CPVL: variants seen among roughly 807,000 people sequenced by gnomAD.
The protein encoded by CPVL is probable serine carboxypeptidase CPVL.
CPVL carries 51 observed loss-of-function variants against 63.7 expected under a neutral mutation model. That is an observed-to-expected ratio of 0.80 (90% CI 0.64 to 1.01). CPVL has a LOEUF of 1.01. Ranked by LOEUF, CPVL falls within the 50% of genes least tolerant of loss-of-function variation. CPVL has a pLI of 0.00. For missense variants in CPVL, 530 were observed against 573.1 expected, an observed-to-expected ratio of 0.92 and a Z score of 0.77; for synonymous variants, 195 against 206.0, an observed-to-expected ratio of 0.95 and a Z score of 0.46.
chr7:29,086,569 G>A lies in CPVL; in HGVS notation c.543-19C>T, dbSNP rs772692528. 2.6e-6 allele frequency: 4 copies of A among 1,538,380 alleles called. No individual in the cohort carries two copies. Among genetic ancestry groups the A allele is most frequent in the Non-Finnish European group, 3.6e-6 (4 of 1,111,988 alleles). On this transcript the variant is annotated intron_variant, in intron 6 of 12. Transcript: ENST00000265394. ...TAGTGCACTGCAAAAAGAAGAACAA[G>A]AACAACACAAATTAATCAGAAAAAT...
intron 5 of CPVL, among the ~76,000 whole-genome samples, chr7:29,160,535 C>T (rs1012153109): frequency 2.0e-5 from 3 of 152,148 alleles, no homozygotes; most frequent in African/African-American, 4.8e-5. Context: ...CAGTCCTGGT[C>T]AGTGAAATAT....
intron 11 of CPVL, among the ~76,000 whole-genome samples, chr7:29,034,613 T>C (rs980205445): frequency 2.6e-5 from 4 of 152,074 alleles, no homozygotes; most frequent in Non-Finnish European, 5.9e-5. Flanking sequence ...GTTCCCCCCA[T>C]GTGTCCATGT....
chr7:29,178,673 G>T (rs529970638), intron 5 of CPVL, among the ~76,000 whole-genome samples: 1 of 152,228 alleles, frequency 6.6e-6, no homozygotes, highest in East Asian at 1.9e-4. Context: ...TATTCTCAGG[G>T]TCTATACCTA....
intron 12 of CPVL, among the ~76,000 whole-genome samples, chr7:29,016,423 C>T (rs980700880): frequency 1.3e-5 from 2 of 151,994 alleles, no homozygotes; most frequent in African/African-American, 4.8e-5. Context: ...AAGTTTAAAC[C>T]AGGTTTGTCT....
At chr7:29,126,796 T>C (rs998395508) in intron 1 of CPVL, 4 of 152,258 alleles carry the variant, frequency 2.6e-5, no homozygotes, top group Admixed American at 6.5e-5. Context: ...CCTGGCACTT[T>C]GGGAGGCCAA....
chr7:29,136,372 G>A (rs1207417937), intron 1 of CPVL, among the ~76,000 whole-genome samples: 3 of 152,204 alleles, frequency 2.0e-5, no homozygotes, highest in Non-Finnish European at 4.4e-5. Flanking sequence ...GCTCAGCAGT[G>A]AGCATATTTA....
intron 1 of CPVL, among the ~76,000 whole-genome samples, chr7:29,134,674 T>C (rs996970553): frequency 9.2e-5 from 14 of 152,148 alleles, no homozygotes; most frequent in African/African-American, 1.4e-4. Flanking sequence ...AATTAAGTTA[T>C]AGAAATCTCA....
intron 12 of CPVL, among the ~76,000 whole-genome samples, chr7:29,006,007 C>G (rs950991310): frequency 3.3e-5 from 5 of 152,104 alleles, no homozygotes; most frequent in Non-Finnish European, 7.4e-5. Context: ...TAGATCCTGA[C>G]TCATCATCTT....
intron 5 of CPVL, among the ~76,000 whole-genome samples, chr7:29,155,303 T>A (rs245902): frequency 0.56 from 85,099 of 151,918 alleles, 24,663 homozygotes; most frequent in African/African-American, 0.72. Context: ...AAAGCCATTA[T>A]CAAAAATAAA....
chr7:29,090,685 T>C (rs1785683828), intron 6 of CPVL, among the ~76,000 whole-genome samples: 1 of 152,182 alleles, frequency 6.6e-6, no homozygotes, highest in South Asian at 2.1e-4. Context: ...TCAAAGTTAA[T>C]ACATTTCATA....
chr7:29,151,167 C>T (rs561205167), upstream of CPVL, among the ~76,000 whole-genome samples: 4 of 152,304 alleles, frequency 2.6e-5, no homozygotes, highest in East Asian at 5.8e-4. Context: ...TAGCCACAGG[C>T]TACAGACTCC....
intron 3 of CPVL, among the ~76,000 whole-genome samples, chr7:29,097,924 C>T (rs1339910682): frequency 3.9e-5 from 6 of 151,912 alleles, no homozygotes; most frequent in Non-Finnish European, 7.4e-5. Context: ...CCAGAACAGA[C>T]TTAGAAAGGG....
intron 9 of CPVL, among the ~76,000 whole-genome samples, chr7:29,067,732 CTA>C (rs1783275297): frequency 1.3e-5 from 2 of 152,244 alleles, no homozygotes; most frequent in Middle Eastern, 3.4e-3. Flanking sequence ...TAAAAACAAT[CTA>C]TCAAGTACAA....
At chr7:29,036,204 T>G (rs1268019708) in intron 11 of CPVL, among the ~76,000 whole-genome samples, 1 of 152,198 alleles carries the variant, frequency 6.6e-6, no homozygotes, top group East Asian at 1.9e-4. Flanking sequence ...CTGGAACTCG[T>G]AGACATGTGG....
upstream of CPVL, among the ~76,000 whole-genome samples, chr7:29,148,862 G>A (rs539343599): frequency 2.0e-5 from 3 of 152,254 alleles, no homozygotes; most frequent in Non-Finnish European, 4.4e-5. Context: ...GTGTGTGTGG[G>A]GGAACAGAGG....
At chr7:29,102,995 A>G (rs1043426156) in intron 3 of CPVL, among the ~76,000 whole-genome samples, 6 of 151,972 alleles carry the variant, frequency 3.9e-5, no homozygotes, top group African/African-American at 1.2e-4. Context: ...TGTCTGCCCT[A>G]TTGTTCCCCA....
intron 1 of CPVL, chr7:29,127,472 G>C (rs1230409778): frequency 2.0e-5 from 3 of 152,200 alleles, no homozygotes; most frequent in Non-Finnish European, 2.9e-5. Flanking sequence ...CCGATCCTCA[G>C]AGAATCTAAG....
chr7:29,111,587 G>A (rs1384872392), intron 3 of CPVL, among the ~76,000 whole-genome samples: 1 of 152,244 alleles, frequency 6.6e-6, no homozygotes, highest in East Asian at 1.9e-4. Context: ...GACGGCTACT[G>A]TGAGCCCAAC....
At chr7:29,090,824 C>T (rs556060583) in intron 6 of CPVL, among the ~76,000 whole-genome samples, 5 of 152,232 alleles carry the variant, frequency 3.3e-5, no homozygotes, top group East Asian at 3.9e-4. Flanking sequence ...AAACTGTGAA[C>T]GGTAAATGTC....
Sources: allele counts gnomAD v4.1 joint callset (sites outside exome capture counted in the v4.1 genomes callset), GRCh38; gene constraint gnomAD v4.1.1; transcripts MANE v1.5; gene names NCBI Gene and HGNC (gene_info 2026-07-23, HGNC 2026-07-21).